Variants in CTNNA3 observed in about 807,000 individuals in gnomAD.
CTNNA3 encodes the protein catenin alpha 3.
A neutral mutation model predicts 95.7 loss-of-function variants in CTNNA3; 76 were observed. That is an observed-to-expected ratio of 0.79 (90% CI 0.66 to 0.96). CTNNA3 has a LOEUF of 0.96. Ranked by LOEUF, CTNNA3 falls within the 40% of genes least tolerant of loss-of-function variation. The pLI is 0.00. For missense variants in CTNNA3, 1,191 were observed against 1,089.8 expected, an observed-to-expected ratio of 1.09 and a Z score of -1.31; for synonymous variants, 431 against 374.4, an observed-to-expected ratio of 1.15 and a Z score of -1.74.
In CTNNA3 at chr10:67,219,785, C is replaced by A; in HGVS notation, c.665G>T (p.Cys222Phe). ...ATCAGAATGCTCCAAACAAGCTGAA[C>A]AAATTGAATGCAAGAGGGGAGAGTT... Reference protein sequence around the residue: ...KENSPLLHSICSACLEHSDVA... With the variant: ...KENSPLLHSIFSACLEHSDVA... Residue 222 changes from cysteine (C) to phenylalanine (F), a missense_variant, in exon 6 of 18, where the codon TGT (cysteine) becomes TTT (phenylalanine). Coordinates refer to ENST00000433211, the MANE Select transcript of CTNNA3 (RefSeq NM_013266.4). 6.2e-7 allele frequency: 1 copy of A among 1,614,072 alleles called. No homozygotes were observed. Among genetic ancestry groups the A allele is most frequent in the Non-Finnish European group, 8.5e-7 (1 of 1,180,000 alleles).
intron 12 of CTNNA3, among the ~76,000 whole-genome samples, chr10:66,299,432 G>T (rs1299854372): frequency 6.6e-6 from 1 of 152,140 alleles, no homozygotes; most frequent in Admixed American, 6.6e-5. Flanking sequence ...TATAATCCCA[G>T]AAGAGAAAGT....
intron 14 of CTNNA3, among the ~76,000 whole-genome samples, chr10:66,079,542 A>G (rs2080665027): frequency 6.6e-6 from 1 of 151,960 alleles, no homozygotes; most frequent in Admixed American, 6.6e-5. Context: ...GTAATTGAAT[A>G]TAATTACCAG....
intron 5 of CTNNA3, among the ~76,000 whole-genome samples, chr10:67,329,245 C>A (rs560198914): frequency 1.5e-3 from 221 of 152,268 alleles, no homozygotes; most frequent in Admixed American, 2.7e-3. Flanking sequence ...GTGATGCATG[C>A]CTGTAGTCCC....
Position 66,332,000 on chromosome 10 carries a change from T to C in CTNNA3, c.1732+47152A>G, listed in dbSNP as rs535206468. 2.6e-5 allele frequency among the ~76,000 whole-genome samples: 4 copies of C among 152,122 alleles called. No individual in the cohort carries two copies. In the South Asian group the frequency reaches 8.3e-4, roughly 32 times the overall value. ...GGATTCCTAGGTATTTTATTCTCTT[T>C]GAAGCAATTGTGAATGGGAGTTCAC... On this transcript the variant is annotated intron_variant, in intron 12 of 17. Coordinates refer to ENST00000433211, the MANE Select transcript of CTNNA3 (RefSeq NM_013266.4).
chr10:67,012,449 T>C (rs1245019564), intron 7 of CTNNA3: 1 of 152,228 alleles, frequency 6.6e-6, no homozygotes. Context: ...TAGCTCACAA[T>C]TGTGAGGAAA....
At chr10:67,070,955 G>A (rs1271642092) in intron 7 of CTNNA3, among the ~76,000 whole-genome samples, 2 of 151,942 alleles carry the variant, frequency 1.3e-5, no homozygotes, top group African/African-American at 4.8e-5. Context: ...TTCTTTTAGT[G>A]TTTACCTGAG....
chr10:67,648,822 A>G (rs969904133), intron 1 of CTNNA3: 2 of 1,282,848 alleles, frequency 1.6e-6, no homozygotes, highest in African/African-American at 3.0e-5. Context: ...TTCAGCTGCA[A>G]TGTAAGAGAC....
intron 5 of CTNNA3, among the ~76,000 whole-genome samples, chr10:67,371,386 C>G (rs1489310967): frequency 5.5e-5 from 8 of 145,180 alleles, no homozygotes; most frequent in Middle Eastern, 3.3e-3. Context: ...CCCCTCCCCC[C>G]ATCCCACAAC....
intron 13 of CTNNA3, among the ~76,000 whole-genome samples, chr10:66,234,068 G>GA (rs2089732791): frequency 6.6e-6 from 1 of 152,032 alleles, no homozygotes; most frequent in South Asian, 2.1e-4. Context: ...TGGTGATAGG[G>GA]AAAAATGACT....
chr10:67,583,894 T>C (rs986531980), intron 3 of CTNNA3, among the ~76,000 whole-genome samples: 3 of 152,218 alleles, frequency 2.0e-5, no homozygotes, highest in African/African-American at 7.2e-5. Flanking sequence ...TCTCGTGCCA[T>C]GGTTTTCAGC....
chr10:67,486,186 C>T (rs1359908383), intron 5 of CTNNA3, among the ~76,000 whole-genome samples: 1 of 152,182 alleles, frequency 6.6e-6, no homozygotes, highest in African/African-American at 2.4e-5. Flanking sequence ...GCCCTGGGAA[C>T]AAGAATCTAC....
chr10:67,104,928 C>T (rs1858544475), intron 7 of CTNNA3, among the ~76,000 whole-genome samples: 1 of 151,942 alleles, frequency 6.6e-6, no homozygotes, highest in African/African-American at 2.4e-5. Flanking sequence ...ATTGTGGCAC[C>T]ATTACCACCA....
At chr10:66,436,249 T>C (rs1223810471) in intron 11 of CTNNA3, among the ~76,000 whole-genome samples, 1 of 152,138 alleles carries the variant, frequency 6.6e-6, no homozygotes, top group Non-Finnish European at 1.5e-5. Flanking sequence ...TCTGTCTCGT[T>C]TATCTGTCTA....
intron 10 of CTNNA3, among the ~76,000 whole-genome samples, chr10:66,542,274 C>A (rs1181280269): frequency 6.6e-6 from 1 of 151,948 alleles, no homozygotes; most frequent in Non-Finnish European, 1.5e-5. Context: ...AATAGGAACA[C>A]TTTTACACTG....
chr10:66,151,046 G>T (rs534242009), intron 13 of CTNNA3, among the ~76,000 whole-genome samples: 82 of 151,982 alleles, frequency 5.4e-4, no homozygotes, highest in African/African-American at 1.8e-3. Context: ...CTTTTAAAAT[G>T]CAATTATAAA....
chr10:67,037,140 C>G (rs1854109634), intron 7 of CTNNA3, among the ~76,000 whole-genome samples: 1 of 152,052 alleles, frequency 6.6e-6, no homozygotes, highest in Non-Finnish European at 1.5e-5. Flanking sequence ...TTACATTTGA[C>G]TCATTAAACA....
chr10:66,824,603 A>G (rs547701774), intron 7 of CTNNA3, among the ~76,000 whole-genome samples: 1 of 152,328 alleles, frequency 6.6e-6, no homozygotes, highest in Non-Finnish European at 1.5e-5. Flanking sequence ...CAAGCATAAA[A>G]TTAATAAAAT....
chr10:67,469,765 T>TA (rs961756969), intron 5 of CTNNA3, among the ~76,000 whole-genome samples: 13 of 151,794 alleles, frequency 8.6e-5, no homozygotes, highest in East Asian at 3.9e-4. Flanking sequence ...CAATAAAAAA[T>TA]AAAAAAAAGA....
chr10:67,568,482 T>A (rs2133283079), intron 3 of CTNNA3, among the ~76,000 whole-genome samples: 1 of 151,870 alleles, frequency 6.6e-6, no homozygotes, highest in African/African-American at 2.4e-5. Flanking sequence ...TGTGTGTGTG[T>A]GTATAGTACA....
Sources: gnomAD v4.1 joint callset for allele counts (sites outside exome capture counted in the v4.1 genomes callset) on GRCh38, gnomAD v4.1.1 for gene constraint, MANE v1.5 for transcripts, NCBI Gene and HGNC (gene_info 2026-07-23, HGNC 2026-07-21) for gene names.